KIF13B: variants seen among roughly 807,000 people sequenced by gnomAD.
KIF13B encodes kinesin-like protein KIF13B.
A neutral mutation model predicts 222.0 loss-of-function variants in KIF13B; 127 were observed. That is an observed-to-expected ratio of 0.57 (90% CI 0.50 to 0.66). The LOEUF (loss-of-function observed/expected upper bound fraction) is 0.66, where lower values mean the gene tolerates loss of function less well. KIF13B is among the 30% of genes least tolerant of loss of function. KIF13B has a pLI of 0.00. For missense variants in KIF13B, 2,173 were observed against 2,379.0 expected (o/e 0.91, Z 1.80); for synonymous variants, 976 against 919.0 (o/e 1.06, Z -1.12).
At chr8:29,181,517 A>C (rs942553324) in intron 7 of KIF13B, among the ~76,000 whole-genome samples, 1 of 152,234 alleles carries the variant, frequency 6.6e-6, no homozygotes, top group Admixed American at 6.5e-5. Flanking sequence ...AAAAACTGAA[A>C]ATCACAATTT....
In KIF13B at chr8:29,099,260, G is replaced by A. The variant is rs759867935; in HGVS notation, c.4216-19C>T. On this transcript the variant is annotated intron_variant, in intron 35 of 39. Coordinates refer to ENST00000524189, the MANE Select transcript of KIF13B (RefSeq NM_015254.4). ...ACCGGCCCTAGTAAAGACAAAATTG[G>A]CAATTTTGTTTCAAGTTATTCAATT... 1.9e-6 allele frequency: 3 copies of A among 1,546,926 alleles called. No individual in the cohort carries two copies. The East Asian group carries it at 6.8e-5, about 35-fold the overall frequency.
chr8:29,071,837 G>A lies in KIF13B; in HGVS notation c.5001C>T (p.Pro1667=), dbSNP rs1174443277. ...RSFSRMLAGD[P]GCSPGAEGNA... ...TCCCCTCGGCCCCCGGGGAGCAGCCGGGGTCCCCAGCCAGCATGCGCGAGA... is the reference window on the plus strand; with the variant it reads ...TCCCCTCGGCCCCCGGGGAGCAGCCAGGGTCCCCAGCCAGCATGCGCGAGA... The change falls in exon 39 of 40, where the codon CCC becomes CCT. Residue 1667 remains proline (P), a synonymous_variant. Transcript: ENST00000524189. This position sits in a 1 kb window ranked among gnomAD's most constrained non-coding sequence, Gnocchi z 4.9. 12 of 1,540,422 alleles carry A rather than the reference G, an allele frequency of 7.8e-6. No homozygotes were observed. The highest frequency in any genetic ancestry group is 5.9e-5 in the Admixed American group (3 of 50,844).
chr8:29,243,032 T>C (rs1166235629), intron 2 of KIF13B, among the ~76,000 whole-genome samples: 1 of 152,176 alleles, frequency 6.6e-6, no homozygotes, highest in East Asian at 1.9e-4. Flanking sequence ...AAGCATTGAA[T>C]TGAATACATT....
At chr8:29,141,394 T>C (rs1810812619) in intron 19 of KIF13B, among the ~76,000 whole-genome samples, 1 of 152,210 alleles carries the variant, frequency 6.6e-6, no homozygotes, top group African/African-American at 2.4e-5. Context: ...ACTGTTGTTT[T>C]ATTTCTAAGT....
At chr8:29,166,723 T>C (rs1586869900) in intron 11 of KIF13B, among the ~76,000 whole-genome samples, 1 of 113,396 alleles carries the variant, frequency 8.8e-6, no homozygotes, top group African/African-American at 3.0e-5. Flanking sequence ...AAAAAAAAAG[T>C]AGGAATCCTG....
intron 21 of KIF13B, among the ~76,000 whole-genome samples, chr8:29,134,817 T>A (rs75339204): frequency 0.19 from 28,871 of 151,776 alleles, 2,914 homozygotes; most frequent in Admixed American, 0.29. Flanking sequence ...GGAAGTGAAG[T>A]TAGTGAATGA....
chr8:29,167,348 G>C (rs1267585506), intron 11 of KIF13B, 25 bp downstream of exon 11: 2 of 1,578,214 alleles, frequency 1.3e-6, no homozygotes, highest in East Asian at 4.5e-5. Flanking sequence ...TGGACTCACA[G>C]GGCGCACGCG....
rs1812274826 is a variant in KIF13B, at chr8:29,172,188, C to G, written c.945+3880G>C. 2.0e-5 allele frequency among the ~76,000 whole-genome samples: 3 copies of G among 150,306 alleles called. No homozygotes were observed. The Admixed American group carries it at 2.0e-4, about 10-fold the overall frequency. ...CTCCTCCTCCCAGGTTCACACCATT[C>G]TCCTGCCTCAGCCTCCCGAGTAGCT... On this transcript the variant is annotated intron_variant, in intron 10 of 39. Transcript: ENST00000524189.
intron 15 of KIF13B, among the ~76,000 whole-genome samples, chr8:29,149,473 T>C (rs916731995): frequency 5.3e-5 from 8 of 152,184 alleles, no homozygotes; most frequent in Admixed American, 5.2e-4. Flanking sequence ...CCTGCCTGCC[T>C]TGTCAACACA....
chr8:29,130,672 A>C lies in KIF13B; in HGVS notation c.2943-7T>G, dbSNP rs749562375. 2.5e-6 allele frequency: 4 copies of C among 1,613,760 alleles called. No homozygotes were observed. In the East Asian group the frequency reaches 8.9e-5, roughly 36 times the overall value. On this transcript the variant is annotated splice_polypyrimidine_tract_variant and splice_region_variant and intron_variant, in intron 23 of 39. Transcript: ENST00000524189. ...CCTGGTCACTTCACTCCATCTAGGAAATAAGCGAAGTTCTTGGAAAATCAT... is the reference window on the plus strand; with the variant it reads ...CCTGGTCACTTCACTCCATCTAGGACATAAGCGAAGTTCTTGGAAAATCAT...
intron 2 of KIF13B, among the ~76,000 whole-genome samples, chr8:29,228,466 T>TAAA (rs71551621): frequency 1.5e-5 from 1 of 68,270 alleles, no homozygotes; most frequent in African/African-American, 5.2e-5. Flanking sequence ...GACTCCATCT[T>TAAA]AAAAAAATAT....
intron 8 of KIF13B, 99 bp from the exon 9 acceptor site, chr8:29,177,677 G>C: frequency 1.2e-6 from 1 of 804,046 alleles, no homozygotes; most frequent in Non-Finnish European, 2.2e-6. Context: ...CAAGGAAGGA[G>C]GATCACCTGA....
chr8:29,105,511 C>G (rs1300951970), intron 35 of KIF13B, among the ~76,000 whole-genome samples: 1 of 152,126 alleles, frequency 6.6e-6, no homozygotes, highest in Non-Finnish European at 1.5e-5. Context: ...CATGCCCTGG[C>G]TGGGTTCTAA....
chr8:29,079,552 A>C (rs548908443), intron 37 of KIF13B, among the ~76,000 whole-genome samples: 1 of 152,236 alleles, frequency 6.6e-6, no homozygotes, highest in Non-Finnish European at 1.5e-5. Flanking sequence ...CATAAAGAAG[A>C]CTAAATTGTA....
At chr8:29,167,714 A>G in intron 10 of KIF13B, 129 bp from the exon 11 acceptor site, 1 of 715,158 alleles carries the variant, frequency 1.4e-6, no homozygotes, top group South Asian at 1.7e-5. Context: ...AGCCAGGGCT[A>G]AAATGCAGGT....
intron 21 of KIF13B, among the ~76,000 whole-genome samples, chr8:29,137,606 C>G (rs1025629708): frequency 6.6e-6 from 1 of 152,210 alleles, no homozygotes; most frequent in Admixed American, 6.5e-5. Context: ...TTAACTGTCT[C>G]CAGGCTGGTT....
At chr8:29,118,494 A>AAAAACAAAAACAAAACAAAAAAATCCC (rs1809706814) in intron 30 of KIF13B, among the ~76,000 whole-genome samples, 1 of 152,112 alleles carries the variant, frequency 6.6e-6, no homozygotes, top group East Asian at 1.9e-4. Context: ...GACTCCATCT[A>AAAAACAAAAACAAAACAAAAAAATCCC]AAAACAAAAA....
At chr8:29,195,964 GAGACCAGCCAGA>G (rs1813400938) in intron 3 of KIF13B, among the ~76,000 whole-genome samples, 1 of 152,226 alleles carries the variant, frequency 6.6e-6, no homozygotes, top group South Asian at 2.1e-4. Flanking sequence ...TAGCTGCTAG[GAGACCAGCCAGA>G]AGTGGTCAAA....
chr8:29,134,700 G>A (rs1415917096), intron 21 of KIF13B, among the ~76,000 whole-genome samples: 2 of 152,150 alleles, frequency 1.3e-5, no homozygotes, highest in African/African-American at 4.8e-5. Flanking sequence ...GTATAAAGAG[G>A]AATAAGGTTC....
Sources: gnomAD v4.1 joint callset for allele counts (sites outside exome capture counted in the v4.1 genomes callset) on GRCh38, gnomAD v4.1.1 for gene constraint, Gnocchi (gnomAD v3.1) non-coding constraint, MANE v1.5 for transcripts, NCBI Gene and HGNC (gene_info 2026-07-23, HGNC 2026-07-21) for gene names.